The following KATNIP variants were observed in gnomAD, a reference collection of about 807,000 sequenced individuals.
KATNIP encodes katanin-interacting protein.
A neutral mutation model predicts 174.0 loss-of-function variants in KATNIP; 126 were observed. The ratio of observed to expected loss-of-function variants is 0.72; its 90% CI spans 0.63 to 0.84. The LOEUF (loss-of-function observed/expected upper bound fraction) is 0.84, where lower values mean the gene tolerates loss of function less well. Ranked by LOEUF, KATNIP falls within the 40% of genes least tolerant of loss-of-function variation. The probability of loss-of-function intolerance (pLI) is 0.00; values close to 1 mark genes in which losing one functional copy is unlikely to be tolerated. For synonymous variants in KATNIP, 810 were observed against 835.7 expected (o/e 0.97, Z 0.53); for missense variants, 1,958 against 2,109.7 (o/e 0.93, Z 1.41).
At chr16:27,600,771 C>T (rs1032333613) in intron 2 of KATNIP, among the ~76,000 whole-genome samples, 10 of 151,608 alleles carry the variant, frequency 6.6e-5, no homozygotes, top group African/African-American at 2.4e-4. Context: ...ATCTTGTTTC[C>T]CAGGCAGGAG....
At chr16:27,744,333 G>A (rs925073557) in intron 15 of KATNIP, among the ~76,000 whole-genome samples, 9 of 151,894 alleles carry the variant, frequency 5.9e-5, no homozygotes, top group East Asian at 1.9e-4. Context: ...CAAGACCAGC[G>A]TGGGCAATAT....
intron 9 of KATNIP, 191 bp from the exon 10 acceptor site, chr16:27,699,343 G>C: frequency 3.0e-6 from 2 of 662,216 alleles, no homozygotes; most frequent in Non-Finnish European, 3.7e-6. Context: ...CTATCTTGGG[G>C]TTGATCTTTG....
intron 8 of KATNIP, among the ~76,000 whole-genome samples, chr16:27,691,847 T>A (rs921813855): frequency 8.5e-5 from 13 of 152,140 alleles, no homozygotes; most frequent in Non-Finnish European, 1.5e-4. Flanking sequence ...ATAAAACTGG[T>A]CTCTACTGGA....
intron 20 of KATNIP, 25 bp downstream of exon 20, chr16:27,766,499 C>T (rs1007691958): frequency 1.2e-6 from 2 of 1,602,302 alleles, no homozygotes; most frequent in Non-Finnish European, 8.5e-7. Context: ...AGTGGCCGTG[C>T]TCAGTCCAGC....
chr16:27,779,007 A>G lies in KATNIP; in HGVS notation c.*378A>G, dbSNP rs1037551633. The G allele has an allele frequency of 5.0e-6, 1 of 200,480 alleles. No homozygotes were observed. The allele number at this position is 200,480 out of a possible 1,614,324, so 12.4% of individuals were successfully genotyped here. On this transcript the variant is annotated 3_prime_UTR_variant, in exon 28 of 28. Transcript: ENST00000261588. ...CATCCAGCCTCAGAGGGCCCAGAGA[A>G]TGGCTGAGCAGGACAGTGGGAGACC... is the stretch of plus-strand genomic sequence containing the variant.
At chr16:27,568,598 A>G (rs904939444) in intron 1 of KATNIP, among the ~76,000 whole-genome samples, 25 of 151,970 alleles carry the variant, frequency 1.6e-4, no homozygotes, top group African/African-American at 5.8e-4. Context: ...CCGAGTAGCT[A>G]AGACTACAGG....
At chr16:27,690,789 T>C (rs899043361) in intron 8 of KATNIP, among the ~76,000 whole-genome samples, 3 of 152,052 alleles carry the variant, frequency 2.0e-5, no homozygotes, top group Non-Finnish European at 2.9e-5. Context: ...GGGAGTGGGG[T>C]GCACTGTGGA....
chr16:27,633,963 C>A (rs2076564904), intron 5 of KATNIP, among the ~76,000 whole-genome samples: 1 of 152,192 alleles, frequency 6.6e-6, no homozygotes, highest in Non-Finnish European at 1.5e-5. Context: ...CTGGAGGACA[C>A]ACAGCCTGGA....
In KATNIP at chr16:27,699,518, G is replaced by A; in HGVS notation, c.1114-16G>A. On this transcript the variant is annotated splice_polypyrimidine_tract_variant and intron_variant, in intron 9 of 27. Transcript: ENST00000261588. ...GCTTTGTTCCAACATCACATCATGT[G>A]ATCACATCCTTCCAGGATGCAGAAG... 1 of 1,613,914 alleles carries A rather than the reference G, an allele frequency of 6.2e-7. No individual in the cohort carries two copies. Among genetic ancestry groups the A allele is most frequent in the Non-Finnish European group, 8.5e-7 (1 of 1,179,888 alleles).
At chr16:27,679,128 T>G (rs2078231820) in intron 7 of KATNIP, 1 of 152,162 alleles carries the variant, frequency 6.6e-6, no homozygotes. Flanking sequence ...AGTGTGTCAG[T>G]TTGCGAGGGT....
chr16:27,566,865 G>A (rs910951717), intron 1 of KATNIP, among the ~76,000 whole-genome samples: 1 of 152,142 alleles, frequency 6.6e-6, no homozygotes, highest in Non-Finnish European at 1.5e-5. Flanking sequence ...AAATCAGATC[G>A]TCAGACAACC....
intron 5 of KATNIP, among the ~76,000 whole-genome samples, chr16:27,633,959 GAC>G (rs1202043411): frequency 2.0e-5 from 3 of 152,208 alleles, no homozygotes; most frequent in Non-Finnish European, 4.4e-5. Context: ...AGGCCTGGAG[GAC>G]ACACAGCCTG....
chr16:27,735,679 G>A (rs1281217160), intron 14 of KATNIP, among the ~76,000 whole-genome samples: 1 of 152,210 alleles, frequency 6.6e-6, no homozygotes, highest in Non-Finnish European at 1.5e-5. Flanking sequence ...CCGAGTTCCT[G>A]TGGCGTAACG....
At chr16:27,565,649 T>C (rs2090057560) in intron 1 of KATNIP, among the ~76,000 whole-genome samples, 1 of 152,032 alleles carries the variant, frequency 6.6e-6, no homozygotes, top group Non-Finnish European at 1.5e-5. Flanking sequence ...CCAAGTGTGG[T>C]GGCACATACC....
At chr16:27,566,949 A>G (rs1443472778) in intron 1 of KATNIP, among the ~76,000 whole-genome samples, 1 of 152,036 alleles carries the variant, frequency 6.6e-6, no homozygotes, top group Non-Finnish European at 1.5e-5. Flanking sequence ...TTTCATAAAA[A>G]CTTTGCCCTC....
chr16:27,707,164 G>A (rs2079346909), intron 12 of KATNIP, among the ~76,000 whole-genome samples: 1 of 152,204 alleles, frequency 6.6e-6, no homozygotes, highest in African/African-American at 2.4e-5. Context: ...AAAAAAATAA[G>A]TGGGGAACAG....
At chr16:27,674,937 G>A (rs1464860296) in intron 6 of KATNIP, among the ~76,000 whole-genome samples, 4 of 152,164 alleles carry the variant, frequency 2.6e-5, no homozygotes, top group African/African-American at 9.7e-5. Flanking sequence ...ATCTAAATTG[G>A]TTATGGGTAA....
intron 5 of KATNIP, among the ~76,000 whole-genome samples, chr16:27,642,820 C>CTGCT (rs1381953254): frequency 2.1e-5 from 3 of 143,952 alleles, no homozygotes; most frequent in Non-Finnish European, 3.0e-5. Context: ...GTTGCCTAGG[C>CTGCT]TGCTCTCAAA....
At chr16:27,737,610 C>T (rs886269725) in intron 14 of KATNIP, among the ~76,000 whole-genome samples, 2 of 151,954 alleles carry the variant, frequency 1.3e-5, no homozygotes, top group African/African-American at 4.8e-5. Flanking sequence ...CAAAGTGCAG[C>T]CGAAGAAAAG....
Sources: allele counts gnomAD v4.1 joint callset (sites outside exome capture counted in the v4.1 genomes callset), GRCh38; gene constraint gnomAD v4.1.1; transcripts MANE v1.5; gene names NCBI Gene and HGNC (gene_info 2026-07-23, HGNC 2026-07-21).